RARB: variants seen among roughly 807,000 people sequenced by gnomAD.
RARB encodes retinoic acid receptor beta, also known as HBV-activated protein.
RARB carries 17 observed loss-of-function variants against 51.9 expected under a neutral mutation model. The observed-to-expected ratio is 0.33, with a 90% CI of 0.22 to 0.49. The LOEUF is 0.49. Among genes scored for constraint, RARB ranks in the 20% least tolerant of loss-of-function variants. RARB has a pLI of 0.99. For missense variants in RARB, 369 were observed against 550.8 expected, an observed-to-expected ratio of 0.67 and a Z score of 3.30; for synonymous variants, 215 against 195.4, an observed-to-expected ratio of 1.10 and a Z score of -0.84.
intron 1 of RARB, among the ~76,000 whole-genome samples, 187 bp from the exon 2 acceptor site, chr3:25,461,006 C>T (rs755656943): frequency 2.0e-5 from 3 of 152,100 alleles, no homozygotes; most frequent in East Asian, 1.9e-4. Flanking sequence ...CTTTGTAAAC[C>T]GTAGAGTACC....
intron 3 of RARB, among the ~76,000 whole-genome samples, chr3:25,079,080 C>T (rs6773755): frequency 0.058 from 8,759 of 151,652 alleles, 505 homozygotes; most frequent in African/African-American, 0.14. Context: ...CAATATTTTA[C>T]AGTTTTCAGT....
intron 2 of RARB, among the ~76,000 whole-genome samples, chr3:25,014,435 G>C (rs1875062): frequency 0.81 from 122,854 of 152,056 alleles, 49,918 homozygotes; most frequent in African/African-American, 0.89. Flanking sequence ...ATGATAGTCA[G>C]TGTAAAAACA....
chr3:25,208,840 C>A (rs747946158), intron 5 of RARB, among the ~76,000 whole-genome samples: 2 of 152,152 alleles, frequency 1.3e-5, no homozygotes. Flanking sequence ...CAGGGCCCAT[C>A]ATACTCCTGG....
rs10713675 is a variant in RARB at position 25,293,597 on chromosome 3, T to TAAAAAA, written c.178+119038_178+119043dup. Among the ~76,000 whole-genome samples, 50 of 68,638 alleles carry TAAAAAA rather than the reference T, an allele frequency of 7.3e-4. 3 individuals carry two copies. Among genetic ancestry groups the TAAAAAA allele is most frequent in the African/African-American group, 1.3e-3 (30 of 23,940 alleles). 45.0% of individuals were successfully genotyped at this position (68,638 alleles called of 152,430 possible). A position where few individuals can be genotyped will look rare whatever the true frequency, so the allele number is the denominator to read the frequency against. ...TTCCCGAGGCTAGAGTTACTCCATT[T>TAAAAAA]AAAAAAAAAAAAAAAAAAAAAGTTC... is the stretch of plus-strand genomic sequence containing the variant. On this transcript the variant is annotated intron_variant, in intron 5 of 11. Coordinates refer to the RARB transcript ENST00000383772.
intron 2 of RARB, among the ~76,000 whole-genome samples, chr3:25,480,814 G>T (rs757586936): frequency 3.3e-5 from 5 of 152,154 alleles, no homozygotes; most frequent in African/African-American, 1.2e-4. Flanking sequence ...GTGTAGCAAA[G>T]ATAGTAGCTG....
chr3:24,848,405 CTTTTT>C (rs1702512110), intron 1 of RARB, among the ~76,000 whole-genome samples: 1 of 152,158 alleles, frequency 6.6e-6, no homozygotes, highest in Non-Finnish European at 1.5e-5. Context: ...GTCTCTCTTT[CTTTTT>C]AACTGTTTTT....
At chr3:25,133,722 A>G (rs1308543278) in intron 4 of RARB, among the ~76,000 whole-genome samples, 1 of 151,946 alleles carries the variant, frequency 6.6e-6, no homozygotes, top group Non-Finnish European at 1.5e-5. Flanking sequence ...GAGTTTCACT[A>G]AAATATAAGA....
intron 2 of RARB, among the ~76,000 whole-genome samples, chr3:25,475,814 C>T (rs1695918147): frequency 6.6e-6 from 1 of 152,212 alleles, no homozygotes; most frequent in Non-Finnish European, 1.5e-5. Flanking sequence ...TTGTTACTCT[C>T]ACAGTAACAT....
At chr3:24,973,130 A>T (rs1161855533) in intron 2 of RARB, among the ~76,000 whole-genome samples, 2 of 152,030 alleles carry the variant, frequency 1.3e-5, no homozygotes, top group Non-Finnish European at 2.9e-5. Context: ...TAAGTGTTCA[A>T]TCCATTTTTA....
At chr3:25,320,945 T>C (rs982845634) in intron 5 of RARB, among the ~76,000 whole-genome samples, 1 of 152,216 alleles carries the variant, frequency 6.6e-6, no homozygotes, top group Non-Finnish European at 1.5e-5. Context: ...TTCTGAGGTA[T>C]CCACCCAACA....
intron 2 of RARB, among the ~76,000 whole-genome samples, chr3:25,498,431 C>T (rs1312686196): frequency 6.6e-6 from 1 of 152,116 alleles, no homozygotes; most frequent in Non-Finnish European, 1.5e-5. Context: ...ATAAAAATAC[C>T]TCATAGCATA....
intron 3 of RARB, among the ~76,000 whole-genome samples, chr3:25,543,505 G>T (rs915923784): frequency 3.9e-5 from 6 of 152,098 alleles, no homozygotes; most frequent in African/African-American, 1.4e-4. Context: ...AGCTTGGAGG[G>T]GCAATGTGGC....
At chr3:25,114,148 T>C (rs1414319797) in intron 3 of RARB, among the ~76,000 whole-genome samples, 1 of 152,216 alleles carries the variant, frequency 6.6e-6, no homozygotes, top group Non-Finnish European at 1.5e-5. Flanking sequence ...AAGGCAATTA[T>C]GTGTTTACAA....
chr3:24,883,427 A>G (rs1476730288), intron 2 of RARB, among the ~76,000 whole-genome samples: 1 of 150,850 alleles, frequency 6.6e-6, no homozygotes, highest in Non-Finnish European at 1.5e-5. Flanking sequence ...TTTAAACTCA[A>G]AAGAGTGGTG....
chr3:25,212,126 A>G (rs1701713689), intron 5 of RARB, among the ~76,000 whole-genome samples: 1 of 152,226 alleles, frequency 6.6e-6, no homozygotes, highest in Non-Finnish European at 1.5e-5. Flanking sequence ...TTAATGAACA[A>G]CAAACCAGCA....
intron 2 of RARB, among the ~76,000 whole-genome samples, chr3:25,497,290 C>G (rs544044267): frequency 7.9e-5 from 12 of 152,230 alleles, no homozygotes; most frequent in African/African-American, 2.4e-4. Context: ...AGAGGTGTTA[C>G]GATGACTCAG....
At chr3:25,486,996 C>T (rs1696506556) in intron 2 of RARB, among the ~76,000 whole-genome samples, 1 of 152,122 alleles carries the variant, frequency 6.6e-6, no homozygotes, top group African/African-American at 2.4e-5. Context: ...CATTGCTTTA[C>T]AACACACCTG....
Position 25,185,281 on chromosome 3 carries a change from T to C in RARB, c.178+10706T>C, listed in dbSNP as rs181574213. 2.7e-3 allele frequency among the ~76,000 whole-genome samples: 411 copies of C among 152,240 alleles called. 3 individuals are homozygous for C. Among genetic ancestry groups the C allele is most frequent in the Middle Eastern group, 6.8e-3 (2 of 294 alleles). ...TCATGAAGAGTTCACATCCAAGAAA[T>C]ACACAACATTTAAGGCTATTTTTCA... On this transcript the variant is annotated intron_variant, in intron 5 of 11. Transcript: ENST00000383772.
At chr3:24,852,022 GT>G (rs1702566480) in intron 1 of RARB, among the ~76,000 whole-genome samples, 1 of 152,108 alleles carries the variant, frequency 6.6e-6, no homozygotes, top group Non-Finnish European at 1.5e-5. Context: ...TTGCATTTAC[GT>G]TTTGTGGCAT....
Sources: allele counts gnomAD v4.1 joint callset (sites outside exome capture counted in the v4.1 genomes callset), GRCh38; gene constraint gnomAD v4.1.1; transcripts MANE v1.5; gene names NCBI Gene and HGNC (gene_info 2026-07-23, HGNC 2026-07-21).